TP63: variants seen among roughly 807,000 people sequenced by gnomAD.
TP63 encodes tumor protein 63.
In TP63, 17 loss-of-function variants were observed where a neutral mutation model predicts 82.8. The observed-to-expected ratio is 0.21, with a 90% CI of 0.14 to 0.31. The LOEUF is 0.31. Among genes scored for constraint, TP63 ranks in the 10% least tolerant of loss-of-function variants. TP63 has a pLI of 1.00. For missense variants in TP63, 648 were observed against 895.3 expected, an observed-to-expected ratio of 0.72 and a Z score of 3.52; for synonymous variants, 330 against 321.7, an observed-to-expected ratio of 1.03 and a Z score of -0.28.
chr3:189,871,192 T>G (rs1718376656), intron 9 of TP63, among the ~76,000 whole-genome samples: 1 of 152,182 alleles, frequency 6.6e-6, no homozygotes, highest in Non-Finnish European at 1.5e-5. Flanking sequence ...GAGAGAAGAC[T>G]TAGCCTAAAT....
At chr3:189,804,609 G>C (rs1233264328) in intron 3 of TP63, among the ~76,000 whole-genome samples, 1 of 152,014 alleles carries the variant, frequency 6.6e-6, no homozygotes, top group Admixed American at 6.6e-5. Flanking sequence ...TTAAATCAAA[G>C]GAATAAGTGA....
At chr3:189,767,671 G>A (rs1326083935) in intron 3 of TP63, among the ~76,000 whole-genome samples, 2 of 152,162 alleles carry the variant, frequency 1.3e-5, no homozygotes, top group African/African-American at 2.4e-5. Flanking sequence ...TTGGAAAACC[G>A]TGAGTCTCAA....
At chr3:189,848,347 C>T (rs1290335087) in intron 4 of TP63, among the ~76,000 whole-genome samples, 3 of 150,078 alleles carry the variant, frequency 2.0e-5, no homozygotes, top group Non-Finnish European at 4.4e-5. Context: ...TGATCCTCTG[C>T]ACCTCAGCCT....
intron 5 of TP63, among the ~76,000 whole-genome samples, chr3:189,866,389 A>G (rs1717728311): frequency 6.6e-6 from 1 of 152,106 alleles, no homozygotes; most frequent in African/African-American, 2.4e-5. Context: ...GAGGTCAGAG[A>G]TGTAGTTATA....
the TP63 span, among the ~76,000 whole-genome samples, chr3:189,616,317 G>C: frequency 6.6e-6 from 1 of 152,164 alleles, no homozygotes; most frequent in African/African-American, 2.4e-5. Flanking sequence ...GCATTGAGTA[G>C]ACAGCAAAGC....
chr3:189,694,735 CT>C (rs1440259737), intron 1 of TP63, among the ~76,000 whole-genome samples: 1 of 118,016 alleles, frequency 8.5e-6, no homozygotes, highest in Non-Finnish European at 1.8e-5. Context: ...GAGGTTAACT[CT>C]TTTTTCCTCT....
In TP63 at chr3:189,631,624, C is replaced by A; in HGVS notation, c.62+47C>A. The A allele has an allele frequency of 1.2e-6, 2 of 1,611,536 alleles. No individual in the cohort carries two copies. Among genetic ancestry groups the A allele is most frequent in the Non-Finnish European group, 1.7e-6 (2 of 1,178,262 alleles). The stretch of plus-strand genomic sequence containing the variant: ...CTTCTCTCAAAACTTAATTGAAGTG[C>A]CTTGTGTATTATGAATGTGTCAGCT... On this transcript the variant is annotated intron_variant, in intron 1 of 13. Transcript: ENST00000264731.
chr3:189,598,919 A>G, the TP63 span, among the ~76,000 whole-genome samples: 1 of 152,218 alleles, frequency 6.6e-6, no homozygotes, highest in African/African-American at 2.4e-5. Flanking sequence ...AGTGGAAGGC[A>G]TATCTTAGAG....
chr3:189,864,522 C>T lies in TP63; in HGVS notation c.766+104C>T, dbSNP rs146216522. ...CTACCTGATTCAGACTTCTGCACTC[C>T]GATGGCAGATCAGTCTGCCTTTTTT... On this transcript the variant is annotated intron_variant, in intron 5 of 13. Coordinates refer to ENST00000264731, the MANE Select transcript of TP63 (RefSeq NM_003722.5). The T allele has an allele frequency of 9.7e-4, 924 of 954,794 alleles. 10 individuals are homozygous for T. In the African/African-American group the frequency reaches 0.014, roughly 14 times the overall value. 59.1% of individuals were successfully genotyped at this position (954,794 alleles called of 1,614,324 possible). A position where few individuals can be genotyped will look rare whatever the true frequency, so the allele number is the denominator to read the frequency against.
chr3:189,668,128 C>T (rs1714566652), intron 1 of TP63, among the ~76,000 whole-genome samples: 2 of 151,872 alleles, frequency 1.3e-5, no homozygotes, highest in South Asian at 4.1e-4. Flanking sequence ...AGGCATTGCA[C>T]AGATATGTTC....
At chr3:189,830,714 CAAAT>C (rs531146478) in intron 4 of TP63, among the ~76,000 whole-genome samples, 139 of 151,982 alleles carry the variant, frequency 9.1e-4, no homozygotes, top group African/African-American at 3.0e-3. Flanking sequence ...GCAGGGAAGA[CAAAT>C]AAAGGCCCAT....
intron 1 of TP63, among the ~76,000 whole-genome samples, chr3:189,639,695 G>A (rs1230043541): frequency 1.3e-5 from 2 of 152,074 alleles, no homozygotes; most frequent in East Asian, 1.9e-4. Flanking sequence ...ATAATGTTAA[G>A]ACTGAGAAAG....
rs553238758 is a variant in TP63 at position 189,643,405 on chromosome 3, A to G, written c.62+11828A>G. On this transcript the variant is annotated intron_variant, in intron 1 of 13. Coordinates refer to ENST00000264731, the MANE Select transcript of TP63 (RefSeq NM_003722.5). ...TAACTTTGAAAACTTAGAGTTGCCC[A>G]GTTTGGAAACTTGGAGTCACTTACT... 2.6e-5 allele frequency among the ~76,000 whole-genome samples: 4 copies of G among 151,882 alleles called. No individual in the cohort carries two copies. The South Asian group carries it at 6.2e-4, about 24-fold the overall frequency.
chr3:189,875,806 G>C (rs116197131), intron 10 of TP63, among the ~76,000 whole-genome samples: 5,169 of 130,758 alleles, frequency 0.04, 115 homozygotes, highest in Middle Eastern at 0.15. Flanking sequence ...ATCCTAAAGT[G>C]GTTTTTCAGG....
At chr3:189,885,276 C>G (rs992976617) in intron 10 of TP63, among the ~76,000 whole-genome samples, 3 of 152,182 alleles carry the variant, frequency 2.0e-5, no homozygotes, top group African/African-American at 7.2e-5. Context: ...CTCATCTTCT[C>G]TTTTTCAGTT....
chr3:189,693,319 C>T (rs1005206181), intron 1 of TP63, among the ~76,000 whole-genome samples: 13 of 152,154 alleles, frequency 8.5e-5, no homozygotes, highest in African/African-American at 2.7e-4. Flanking sequence ...CTCTTCCCTA[C>T]GTTCGTATTC....
rs1714608412 is a variant in TP63 at position 189,844,557 on chromosome 3, C to CG, written c.580-19670dup. ...TCGGCCTCCTGAAATGCTGGGATTACGGGGGTGAACCACTGCACCCGGCCA... is the reference window on the plus strand; with the variant it reads ...TCGGCCTCCTGAAATGCTGGGATTACGGGGGGTGAACCACTGCACCCGGCCA... On this transcript the variant is annotated intron_variant, in intron 4 of 13. Transcript: ENST00000264731. 3 of 158,246 alleles carry CG rather than the reference C, an allele frequency of 1.9e-5. No individual in the cohort carries two copies. In the South Asian group the frequency reaches 5.1e-4, roughly 27 times the overall value. 9.8% of individuals were successfully genotyped at this position (158,246 alleles called of 1,614,324 possible).
intron 1 of TP63, among the ~76,000 whole-genome samples, chr3:189,657,899 C>T (rs994850465): frequency 1.3e-5 from 2 of 152,020 alleles, no homozygotes; most frequent in Admixed American, 6.6e-5. Context: ...GATTCTAGGA[C>T]TGGTACAGAA....
the TP63 span, among the ~76,000 whole-genome samples, chr3:189,619,238 A>G: frequency 6.6e-6 from 1 of 150,432 alleles, no homozygotes. Context: ...AAGTAAAAGC[A>G]TTTGAGAGGG....
Sources: allele counts gnomAD v4.1 joint callset (sites outside exome capture counted in the v4.1 genomes callset), GRCh38; gene constraint gnomAD v4.1.1; transcripts MANE v1.5; gene names NCBI Gene and HGNC (gene_info 2026-07-23, HGNC 2026-07-21).